ABHD17A: variants seen among roughly 807,000 people sequenced by gnomAD.
ABHD17A encodes the protein alpha/beta hydrolase domain-containing protein 17A.
Under a neutral mutation model 26.8 loss-of-function variants are expected in ABHD17A, and 10 were observed. The ratio of observed to expected loss-of-function variants is 0.37; its 90% CI spans 0.23 to 0.63. The LOEUF is 0.63. ABHD17A is among the 30% of genes least tolerant of loss of function. The probability of loss-of-function intolerance (pLI) is 0.61; values close to 1 mark genes in which losing one functional copy is unlikely to be tolerated. For missense variants in ABHD17A, 292 were observed against 457.3 expected (o/e 0.64, Z 3.30); for synonymous variants, 167 against 210.9 (o/e 0.79, Z 1.80).
Position 1,880,206 on chromosome 19 carries a change from G to T in ABHD17A, c.333-91C>A. 1 of 1,390,318 alleles carries T rather than the reference G, an allele frequency of 7.2e-7. No individual in the cohort carries two copies. Among genetic ancestry groups the T allele is most frequent in the Non-Finnish European group, 9.9e-7 (1 of 1,007,688 alleles). 86.1% of individuals were successfully genotyped at this position (1,390,318 alleles called of 1,614,324 possible). Reference sequence around the variant, plus strand: ...TGCGTAGTGACAGCCCACCCCGGTGGCCAGCCATGCCCAGTGCCTCATTTA... The same window carrying T: ...TGCGTAGTGACAGCCCACCCCGGTGTCCAGCCATGCCCAGTGCCTCATTTA... On this transcript the variant is annotated intron_variant, in intron 2 of 4. Coordinates refer to ENST00000292577, the MANE Select transcript of ABHD17A (RefSeq NM_001130111.2). The surrounding 1 kb of genome is among the most constrained non-coding windows in gnomAD (Gnocchi z 4.1).
intron 1 of ABHD17A, among the ~76,000 whole-genome samples, 155 bp downstream of exon 1, chr19:1,885,197 G>T (rs1405502748): frequency 1.3e-5 from 2 of 152,078 alleles, no homozygotes. Context: ...GCTCATCCGC[G>T]GTCCGCGCCC....
Position 1,880,873 on chromosome 19 carries a change from C to A in ABHD17A, c.332+362G>T. The A allele has an allele frequency of 1.2e-6, 2 of 1,612,792 alleles. No homozygotes were observed. The highest frequency in any genetic ancestry group is 2.2e-5 in the East Asian group (1 of 44,876). On this transcript the variant is annotated intron_variant, in intron 2 of 4. Transcript: ENST00000292577. This position sits in a 1 kb window ranked among gnomAD's most constrained non-coding sequence, Gnocchi z 4.1. ...AGAAGGTAAAGGCTCGCCCTCTGGA[C>A]TCAGATCTGGTCAGAACCCCACCTG...
Position 1,877,430 on chromosome 19 carries a change from GGGA to G in ABHD17A, c.708-8_708-6del. 1 of 1,564,428 alleles carries G rather than the reference GGGA, an allele frequency of 6.4e-7. No homozygotes were observed. Among genetic ancestry groups the G allele is most frequent in the Non-Finnish European group, 8.6e-7 (1 of 1,161,934 alleles). ...ATCTTGGACACCTTCTCGATGCTGCGGGAGGGTCGTGGAGCCGGTGAGACTTCG... is the reference window on the plus strand; with the variant it reads ...ATCTTGGACACCTTCTCGATGCTGCGGGGTCGTGGAGCCGGTGAGACTTCG... On this transcript the variant is annotated splice_polypyrimidine_tract_variant and splice_region_variant and intron_variant, in intron 4 of 4. Coordinates refer to ENST00000292577, the MANE Select transcript of ABHD17A (RefSeq NM_001130111.2).
chr19:1,877,483 C>T, intron 4 of ABHD17A, 25 bp downstream of exon 4: 2 of 1,584,552 alleles, frequency 1.3e-6, no homozygotes, highest in Non-Finnish European at 1.7e-6. Flanking sequence ...CCCGCCCCGC[C>T]CCCGTCCCCG....
rs1413756523 is a variant in ABHD17A at position 1,881,596 on chromosome 19, C to T, written c.-30G>A. ...GGCGCCGCCCAGGCCGGGCCTCCAC[C>T]GGGGCCCCCGCCAACAACGCCGCCC... On this transcript the variant is annotated 5_prime_UTR_variant, in exon 2 of 5. Coordinates refer to ENST00000292577, the MANE Select transcript of ABHD17A (RefSeq NM_001130111.2). The T allele has an allele frequency of 2.5e-5, 37 of 1,506,784 alleles. No homozygotes were observed. The highest frequency in any genetic ancestry group is 2.6e-5 in the East Asian group (1 of 38,788). The allele number at this position is 1,506,784 out of a possible 1,614,324, so 93.3% of individuals were successfully genotyped here.
rs532663864 is a variant in ABHD17A, at chr19:1,881,412, G to A, written c.155C>T (p.Pro52Leu). Residue 52 changes from proline (P) to leucine (L), a missense_variant, in exon 2 of 5, where the codon CCC becomes CTC. Physicochemically the swap from Pro to Leu is moderately conservative, Grantham distance 98 (BLOSUM62 -3). Transcript: ENST00000292577. ...EPGPGGAGAA[P>L]LGTLRASSGA... ...CGAGGAGGCTCTCAGGGTCCCCAAG[G>A]GGGCGGCCCCGGCCCCACCAGGCCC... 2 of 1,603,224 alleles carry A rather than the reference G, an allele frequency of 1.2e-6. No homozygotes were observed. Among genetic ancestry groups the A allele is most frequent in the African/African-American group, 2.7e-5 (2 of 74,924 alleles).
In ABHD17A at chr19:1,877,153, G is replaced by A. The variant is rs1006923047; in HGVS notation, c.*47C>T. The A allele has an allele frequency of 9.1e-6, 13 of 1,432,098 alleles. No individual in the cohort carries two copies. Among genetic ancestry groups the A allele is most frequent in the South Asian group, 1.3e-5 (1 of 79,828 alleles). 88.7% of individuals were successfully genotyped at this position (1,432,098 alleles called of 1,614,324 possible). A position where few individuals can be genotyped will look rare whatever the true frequency, so the allele number is the denominator to read the frequency against. On this transcript the variant is annotated 3_prime_UTR_variant, in exon 5 of 5. Transcript: ENST00000292577. ...TGGGTGGGGGCCGGCGCGGGGTGAG[G>A]TCCGGGGGCCGCCTTATTGCTGAGG...
rs777817096 is a variant in ABHD17A at position 1,881,387 on chromosome 19, C to T, written c.180G>A (p.Ser60=). The T allele has an allele frequency of 6.9e-6, 11 of 1,605,402 alleles. No homozygotes were observed. The highest frequency in any genetic ancestry group is 1.7e-5 in the Admixed American group (1 of 59,928). The change falls in exon 2 of 5, where the codon TCG becomes TCA. Residue 60 remains serine (S), a synonymous_variant. Coordinates refer to ENST00000292577, the MANE Select transcript of ABHD17A (RefSeq NM_001130111.2). ...AAPLGTLRAS[S]GAPGRWKLHL... is the part of the protein sequence containing the mutation. Reference sequence around the variant, plus strand: ...GCAGCTTCCAGCGCCCGGGTGCGCCCGAGGAGGCTCTCAGGGTCCCCAAGG... The same window carrying T: ...GCAGCTTCCAGCGCCCGGGTGCGCCTGAGGAGGCTCTCAGGGTCCCCAAGG...
At position 1,881,629 on chromosome 19, in the gene ABHD17A, C is replaced by T. The variant is rs934466081; in HGVS notation, c.-63G>A. 3.5e-6 allele frequency: 5 copies of T among 1,438,216 alleles called. No individual in the cohort carries two copies. The African/African-American group carries it at 5.9e-5, about 17-fold the overall frequency. 89.1% of individuals were successfully genotyped at this position (1,438,216 alleles called of 1,614,324 possible). A position where few individuals can be genotyped will look rare whatever the true frequency, so the allele number is the denominator to read the frequency against. Reference sequence around the variant, plus strand: ...CCGCCAACAACGCCGCCCGGCCTGGCCCGGCAGGGGAGGGGTGGGGGTGCT... The same window carrying T: ...CCGCCAACAACGCCGCCCGGCCTGGTCCGGCAGGGGAGGGGTGGGGGTGCT... On this transcript the variant is annotated 5_prime_UTR_variant, in exon 2 of 5. Transcript: ENST00000292577.
Position 1,879,228 on chromosome 19 carries a change from G to A in ABHD17A, c.527+693C>T. 1 of 155,548 alleles carries A rather than the reference G, an allele frequency of 6.4e-6. No homozygotes were observed. Among genetic ancestry groups the A allele is most frequent in the Non-Finnish European group, 1.4e-5 (1 of 70,208 alleles). The allele number at this position is 155,548 out of a possible 1,614,324, so 9.6% of individuals were successfully genotyped here. A position where few individuals can be genotyped will look rare whatever the true frequency, so the allele number is the denominator to read the frequency against. Reference sequence around the variant, plus strand: ...GCAGGTCAGACCAGTGGGCTGGGCAGGGCCAGGACGAGACAGGCCCAGTGG... The same window carrying A: ...GCAGGTCAGACCAGTGGGCTGGGCAAGGCCAGGACGAGACAGGCCCAGTGG... On this transcript the variant is annotated intron_variant, in intron 3 of 4. Transcript: ENST00000292577. This position sits in a 1 kb window ranked among gnomAD's most constrained non-coding sequence, Gnocchi z 7.6.
At position 1,880,994 on chromosome 19, in the gene ABHD17A, C is replaced by G. The variant is rs751353237; in HGVS notation, c.332+241G>C. 1 of 1,612,404 alleles carries G rather than the reference C, an allele frequency of 6.2e-7. No individual in the cohort carries two copies. The highest frequency in any genetic ancestry group is 1.7e-5 in the Admixed American group (1 of 59,984). ...CAGGCGCTGGGTTGTTGGAGTCGCC[C>G]AGCCTGCCCACCCATGCCAGCTGGG... On this transcript the variant is annotated intron_variant, in intron 2 of 4. Transcript: ENST00000292577. This position sits in a 1 kb window ranked among gnomAD's most constrained non-coding sequence, Gnocchi z 4.1.
At position 1,880,556 on chromosome 19, in the gene ABHD17A, C is replaced by G. The variant is rs2012494739; in HGVS notation, c.333-441G>C. Among the ~76,000 whole-genome samples, 2 of 152,210 alleles carry G rather than the reference C, an allele frequency of 1.3e-5. No homozygotes were observed. The highest frequency in any genetic ancestry group is 4.1e-4 in the South Asian group (2 of 4,836). On this transcript the variant is annotated intron_variant, in intron 2 of 4. Transcript: ENST00000292577. The surrounding 1 kb of genome is among the most constrained non-coding windows in gnomAD (Gnocchi z 4.1). ...CTTTCAGGACCTTCCCAGGGGAGCC[C>G]ATGCTGCTGCTGGCAGGGCTATCTC... is the stretch of plus-strand genomic sequence containing the variant.
At position 1,879,346 on chromosome 19, in the gene ABHD17A, C is replaced by T; in HGVS notation, c.527+575G>A. Reference sequence around the variant, plus strand: ...CGGTGCTCAAACACCGGTGAAGGGCCCAGGCAAGCGCAGGGCTGGGGACGT... The same window carrying T: ...CGGTGCTCAAACACCGGTGAAGGGCTCAGGCAAGCGCAGGGCTGGGGACGT... On this transcript the variant is annotated intron_variant, in intron 3 of 4. Transcript: ENST00000292577. The surrounding 1 kb of genome is among the most constrained non-coding windows in gnomAD (Gnocchi z 7.6). 3 of 165,514 alleles carry T rather than the reference C, an allele frequency of 1.8e-5. No individual in the cohort carries two copies. In the South Asian group the frequency reaches 4.6e-4, roughly 25 times the overall value. 10.3% of individuals were successfully genotyped at this position (165,514 alleles called of 1,614,324 possible). A position where few individuals can be genotyped will look rare whatever the true frequency, so the allele number is the denominator to read the frequency against.
intron 3 of ABHD17A, chr19:1,877,944 G>A: frequency 3.9e-6 from 2 of 513,060 alleles, no homozygotes; most frequent in Non-Finnish European, 7.0e-6. Context: ...GGATCTGCAG[G>A]GATCCTGCCT....
chr19:1,877,730 G>C lies in ABHD17A; in HGVS notation c.528-43C>G, dbSNP rs547693063. 3.0e-4 allele frequency: 472 copies of C among 1,572,250 alleles called. 1 individual carries two copies. In the South Asian group the frequency reaches 4.9e-3, roughly 16 times the overall value. ...GGGTCAGCCGCGGCCTCCGACGCGC[G>C]CGCACCCTTCCCACCAGCGGGCGTC... On this transcript the variant is annotated intron_variant, in intron 3 of 4. Transcript: ENST00000292577.
intron 3 of ABHD17A, chr19:1,878,482 C>G (rs1599205796): frequency 6.6e-6 from 1 of 152,584 alleles, no homozygotes; most frequent in Non-Finnish European, 1.5e-5. Flanking sequence ...CTGCCCATGC[C>G]GGGACCCCAC....
At position 1,880,939 on chromosome 19, in the gene ABHD17A, T is replaced by C. The variant is rs1476639022; in HGVS notation, c.332+296A>G. 2 of 1,613,058 alleles carry C rather than the reference T, an allele frequency of 1.2e-6. No individual in the cohort carries two copies. Among genetic ancestry groups the C allele is most frequent in the South Asian group, 2.2e-5 (2 of 91,088 alleles). On this transcript the variant is annotated intron_variant, in intron 2 of 4. Transcript: ENST00000292577. The surrounding 1 kb of genome is among the most constrained non-coding windows in gnomAD (Gnocchi z 4.1). ...TACCCGCAGGCCAGGGCAGCCCCTGTGCCCCAGCTCTTGCCCAGCAGGCAA... is the reference window on the plus strand; with the variant it reads ...TACCCGCAGGCCAGGGCAGCCCCTGCGCCCCAGCTCTTGCCCAGCAGGCAA...
chr19:1,882,693 C>A (rs2012576357), intron 1 of ABHD17A: 1 of 152,172 alleles, frequency 6.6e-6, no homozygotes. Context: ...ATTAAGTCGA[C>A]AACAGCTAAG....
rs897753611 is a variant in ABHD17A at position 1,880,752 on chromosome 19, G to C, written c.332+483C>G. The C allele has an allele frequency of 1.6e-6, 2 of 1,225,596 alleles. No individual in the cohort carries two copies. The highest frequency in any genetic ancestry group is 2.3e-6 in the Non-Finnish European group (2 of 888,174). The allele number at this position is 1,225,596 out of a possible 1,614,324, so 75.9% of individuals were successfully genotyped here. ...GCAAGGCCTGTCTGCTTCCCAGCACGGGAGCTGCCCCAGGTGGTGCCAGGA... is the reference window on the plus strand; with the variant it reads ...GCAAGGCCTGTCTGCTTCCCAGCACCGGAGCTGCCCCAGGTGGTGCCAGGA... On this transcript the variant is annotated intron_variant, in intron 2 of 4. Coordinates refer to ENST00000292577, the MANE Select transcript of ABHD17A (RefSeq NM_001130111.2). The surrounding 1 kb of genome is among the most constrained non-coding windows in gnomAD (Gnocchi z 4.1).
Sources: allele counts gnomAD v4.1 joint callset (sites outside exome capture counted in the v4.1 genomes callset), GRCh38; gene constraint gnomAD v4.1.1; non-coding constraint Gnocchi (gnomAD v3.1); transcripts MANE v1.5; gene names NCBI Gene and HGNC (gene_info 2026-07-23, HGNC 2026-07-21).